MYO1H: variants seen among roughly 807,000 people sequenced by gnomAD.
MYO1H encodes the protein unconventional myosin-Ih.
In MYO1H, 118 loss-of-function variants were observed where a neutral mutation model predicts 149.3. The observed-to-expected ratio is 0.79, with a 90% CI of 0.68 to 0.92. MYO1H has a LOEUF of 0.92. Ranked by LOEUF, MYO1H falls within the 40% of genes least tolerant of loss-of-function variation. The probability of loss-of-function intolerance (pLI) is 0.00; values close to 1 mark genes in which losing one functional copy is unlikely to be tolerated. For synonymous variants in MYO1H, 447 were observed against 465.2 expected (o/e 0.96, Z 0.50); for missense variants, 1,212 against 1,280.7 (o/e 0.95, Z 0.82).
chr12:109,332,656 C>T, the MYO1H span, among the ~76,000 whole-genome samples: 4 of 152,242 alleles, frequency 2.6e-5, no homozygotes. Context: ...TAGCACACTG[C>T]AGCCTCAAAC....
At chr12:109,419,768 C>T (rs4766599) in intron 15 of MYO1H, among the ~76,000 whole-genome samples, 2 of 151,640 alleles carry the variant, frequency 1.3e-5, no homozygotes, top group Non-Finnish European at 2.9e-5. Flanking sequence ...ACTATGTTGC[C>T]CAGGCTAGTC....
chr12:109,389,500 G>C (rs558681158), intron 2 of MYO1H, among the ~76,000 whole-genome samples: 1 of 152,298 alleles, frequency 6.6e-6, no homozygotes, highest in East Asian at 1.9e-4. Flanking sequence ...GAAAGGGGCA[G>C]AGATACCAAG....
intron 14 of MYO1H, among the ~76,000 whole-genome samples, chr12:109,413,813 G>A (rs1327628855): frequency 1.3e-5 from 2 of 152,156 alleles, no homozygotes; most frequent in Non-Finnish European, 2.9e-5. Flanking sequence ...AGGAGGCTGA[G>A]GCAGGAGAAT....
At chr12:109,444,435 G>T (rs1184685208) in exon 30 of MYO1H, 8 of 1,613,506 alleles carry the variant, frequency 5.0e-6, no homozygotes, top group Non-Finnish European at 6.8e-6. Context: ...ACCCCAGGGG[G>T]ATGCCGTTTT....
intron 2 of MYO1H, among the ~76,000 whole-genome samples, chr12:109,391,264 C>T (rs931944925): frequency 6.6e-6 from 1 of 152,060 alleles, no homozygotes; most frequent in Non-Finnish European, 1.5e-5. Context: ...GTTGTTCCCC[C>T]CTCTCCCACA....
At chr12:109,355,490 G>A (rs1868568302) in intron 1 of MYO1H, among the ~76,000 whole-genome samples, 1 of 152,080 alleles carries the variant, frequency 6.6e-6, no homozygotes, top group Non-Finnish European at 1.5e-5. Context: ...AGGGCTTATA[G>A]CTATGGGCCT....
chr12:109,366,256 A>G (rs1868862816), intron 1 of MYO1H, among the ~76,000 whole-genome samples: 1 of 152,140 alleles, frequency 6.6e-6, no homozygotes, highest in African/African-American at 2.4e-5. Flanking sequence ...GGTTCCATCA[A>G]CTTTAATCTG....
rs138852867 is a variant in MYO1H at position 109,368,471 on chromosome 12, C to A, written c.13-20212C>A. Among the ~76,000 whole-genome samples, 221 of 152,086 alleles carry A rather than the reference C, an allele frequency of 1.5e-3. 1 individual carries two copies. Among genetic ancestry groups the A allele is most frequent in the African/African-American group, 5.1e-3 (213 of 41,478 alleles). On this transcript the variant is annotated intron_variant, in intron 1 of 31. Transcript: ENST00000310903. ...AGGAGTTTGAGACCATCCTGGGCAA[C>A]GTGGTGAAACCCAACCTCTACTAAA... is the stretch of plus-strand genomic sequence containing the variant.
In MYO1H at chr12:109,430,977, C is replaced by T. The variant is rs142484094; in HGVS notation, c.1950-1920C>T. On this transcript the variant is annotated intron_variant, in intron 19 of 31. Coordinates refer to ENST00000310903, the Ensembl canonical transcript of MYO1H. ...AACAGTTTAAAATCGGATTTTAGAA[C>T]GTGGGAGGTGGAGCTTGCAGTGAGC... Among the ~76,000 whole-genome samples, 161 of 150,142 alleles carry T rather than the reference C, an allele frequency of 1.1e-3. 2 individuals carry two copies. The East Asian group carries it at 0.027, about 26-fold the overall frequency.
At chr12:109,438,811 A>G (rs534168856) in intron 23 of MYO1H, among the ~76,000 whole-genome samples, 191 bp downstream of exon 23, 1 of 152,314 alleles carries the variant, frequency 6.6e-6, no homozygotes, top group African/African-American at 2.4e-5. Context: ...TCACAACTCA[A>G]TGTATTTGGA....
the MYO1H span, among the ~76,000 whole-genome samples, chr12:109,341,828 G>A: frequency 6.6e-6 from 1 of 152,056 alleles, no homozygotes; most frequent in Non-Finnish European, 1.5e-5. Context: ...TAGAGTTAGT[G>A]GTCTGATTTC....
At chr12:109,396,547 C>G in exon 4 of MYO1H, 7 of 1,613,510 alleles carry the variant, frequency 4.3e-6, no homozygotes, top group East Asian at 2.2e-5. Flanking sequence ...ACAAATAGCC[C>G]GTGACAGACT....
intron 5 of MYO1H, among the ~76,000 whole-genome samples, chr12:109,400,124 A>C (rs971851565): frequency 2.0e-5 from 3 of 152,202 alleles, no homozygotes; most frequent in African/African-American, 7.2e-5. Flanking sequence ...TGCATGTAGC[A>C]GTTGTTCACT....
At position 109,411,874 on chromosome 12, in the gene MYO1H, C is replaced by T; in HGVS notation, c.1411-20C>T. 1 of 1,567,974 alleles carries T rather than the reference C, an allele frequency of 6.4e-7. No homozygotes were observed. The highest frequency in any genetic ancestry group is 8.7e-7 in the Non-Finnish European group (1 of 1,150,060). On this transcript the variant is annotated intron_variant, in intron 13 of 31. Coordinates refer to ENST00000310903, the Ensembl canonical transcript of MYO1H. ...TGGAGTGTGGTGCTGTGGATTGAGGCTTCTCTTTTTCTTTTGAAGGATGAA... is the reference window on the plus strand; with the variant it reads ...TGGAGTGTGGTGCTGTGGATTGAGGTTTCTCTTTTTCTTTTGAAGGATGAA...
chr12:109,354,630 A>AAAAAAAAAAAAAG (rs796354256), intron 1 of MYO1H, among the ~76,000 whole-genome samples: 4 of 134,042 alleles, frequency 3.0e-5, no homozygotes, highest in African/African-American at 8.8e-5. Context: ...AAAAAAAAAA[A>AAAAAAAAAAAAAG]AAAAGAAAAG....
At chr12:109,397,535 C>G (rs533388131) in intron 4 of MYO1H, among the ~76,000 whole-genome samples, 197 bp from the exon 5 acceptor site, 44 of 152,264 alleles carry the variant, frequency 2.9e-4, no homozygotes, top group African/African-American at 1.1e-3. Flanking sequence ...CCCCTTTTCT[C>G]CCCGGGTCCA....
intron 2 of MYO1H, among the ~76,000 whole-genome samples, chr12:109,392,161 G>A (rs1170541323): frequency 2.6e-5 from 4 of 152,190 alleles, no homozygotes; most frequent in African/African-American, 7.2e-5. Flanking sequence ...CAGTAGGGGA[G>A]TGTGGTATCT....
At chr12:109,439,900 G>T in intron 24 of MYO1H, 110 bp downstream of exon 24, 4 of 952,352 alleles carry the variant, frequency 4.2e-6, no homozygotes, top group Non-Finnish European at 6.3e-6. Context: ...GGCTGCCCTG[G>T]CAAAGCCCTT....
At chr12:109,444,252 T>C in exon 29 of MYO1H, 2 of 1,613,932 alleles carry the variant, frequency 1.2e-6, no homozygotes, top group Admixed American at 3.3e-5. Context: ...ATCTTAGTCA[T>C]TCATGTTTCA....
Sources: allele counts gnomAD v4.1 joint callset (sites outside exome capture counted in the v4.1 genomes callset), GRCh38; gene constraint gnomAD v4.1.1; transcripts MANE v1.5; gene names NCBI Gene and HGNC (gene_info 2026-07-23, HGNC 2026-07-21).